Variants in GALNT18 observed in about 807,000 individuals in gnomAD.
GALNT18 encodes polypeptide N-acetylgalactosaminyltransferase 18.
Under a neutral mutation model 69.5 loss-of-function variants are expected in GALNT18, and 44 were observed. That is an observed-to-expected ratio of 0.63 (90% confidence interval 0.50 to 0.81). GALNT18 has a LOEUF of 0.81. Ranked by LOEUF, GALNT18 falls within the 40% of genes least tolerant of loss-of-function variation. GALNT18 has a pLI of 0.00. For synonymous variants in GALNT18, 364 were observed against 318.2 expected (o/e 1.14, Z -1.53); for missense variants, 715 against 810.0 (o/e 0.88, Z 1.42).
chr11:11,292,740 A>G (rs965298026), intron 10 of GALNT18, among the ~76,000 whole-genome samples: 1 of 152,098 alleles, frequency 6.6e-6, no homozygotes, highest in Non-Finnish European at 1.5e-5. Context: ...GTTTCCTTAT[A>G]TCTAAAAAGT....
intron 9 of GALNT18, among the ~76,000 whole-genome samples, chr11:11,307,022 A>C (rs1351673671): frequency 6.6e-6 from 1 of 152,226 alleles, no homozygotes; most frequent in African/African-American, 2.4e-5. Context: ...ATGGCCCAGA[A>C]GCCTCTCACT....
In GALNT18 at chr11:11,404,280, G is replaced by C. The variant is rs1290816647; in HGVS notation, c.596-25016C>G. Among the ~76,000 whole-genome samples, 1 of 152,222 alleles carries C rather than the reference G, an allele frequency of 6.6e-6. No individual in the cohort carries two copies. Among genetic ancestry groups the C allele is most frequent in the Non-Finnish European group, 1.5e-5 (1 of 68,034 alleles). On this transcript the variant is annotated intron_variant, in intron 3 of 10. Coordinates refer to ENST00000227756, the MANE Select transcript of GALNT18 (RefSeq NM_198516.3). This position sits in a 1 kb window ranked among gnomAD's most constrained non-coding sequence, Gnocchi z 4.5. ...TTCCCCAGGGGAGCCCTGGGCTTCAGTGCCAATGCCTCTGCCTCACCATCC... is the reference window on the plus strand; with the variant it reads ...TTCCCCAGGGGAGCCCTGGGCTTCACTGCCAATGCCTCTGCCTCACCATCC...
At chr11:11,458,645 C>A (rs1855973434) in intron 1 of GALNT18, among the ~76,000 whole-genome samples, 1 of 152,382 alleles carries the variant, frequency 6.6e-6, no homozygotes, top group East Asian at 1.9e-4. Context: ...TTCACCCGAG[C>A]ACTGCTAATG....
chr11:11,278,754 T>A (rs748586997), intron 10 of GALNT18, among the ~76,000 whole-genome samples: 1 of 151,990 alleles, frequency 6.6e-6, no homozygotes, highest in Non-Finnish European at 1.5e-5. Flanking sequence ...GGTACAAAAA[T>A]ACAGTTCGAT....
At chr11:11,460,212 C>G (rs1856010240) in intron 1 of GALNT18, among the ~76,000 whole-genome samples, 1 of 152,212 alleles carries the variant, frequency 6.6e-6, no homozygotes, top group Non-Finnish European at 1.5e-5. Flanking sequence ...AACATATTCA[C>G]AGGTTCCAGG....
At chr11:11,384,650 G>A (rs1854005961) in intron 3 of GALNT18, among the ~76,000 whole-genome samples, 2 of 152,184 alleles carry the variant, frequency 1.3e-5, no homozygotes, top group African/African-American at 4.8e-5. Flanking sequence ...TCCAGAGAGT[G>A]CTCTTTTCCT....
Position 11,316,978 on chromosome 11 carries a change from T to G in GALNT18, c.1512+10108A>C, listed in dbSNP as rs977860347. Reference sequence around the variant, plus strand: ...GTTGAATGAGCAAATGAATGAGTGATTGATTGAATAAAGACCTGGTGGGGA... The same window carrying G: ...GTTGAATGAGCAAATGAATGAGTGAGTGATTGAATAAAGACCTGGTGGGGA... On this transcript the variant is annotated intron_variant, in intron 9 of 10. Coordinates refer to ENST00000227756, the MANE Select transcript of GALNT18 (RefSeq NM_198516.3). Among the ~76,000 whole-genome samples the G allele has an allele frequency of 6.6e-5, 10 of 152,358 alleles. No homozygotes were observed. The East Asian group carries it at 1.7e-3, about 26-fold the overall frequency.
Position 11,352,795 on chromosome 11 carries a change from G to C in GALNT18, c.1093-11791C>G, listed in dbSNP as rs547583882. The C allele has an allele frequency of 3.5e-5, 57 of 1,614,146 alleles. No individual in the cohort carries two copies. In the African/African-American group the frequency reaches 7.1e-4, roughly 20 times the overall value. The stretch of plus-strand genomic sequence containing the variant: ...TTTACGTGTTCAAAAACCAAGGCGG[G>C]GGTTCGTGACACAGGGTCTTTTACA... On this transcript the variant is annotated intron_variant, in intron 6 of 10. Coordinates refer to ENST00000227756, the MANE Select transcript of GALNT18 (RefSeq NM_198516.3).
rs1429540013 is a variant in GALNT18, at chr11:11,444,694, G to C, written c.428+4050C>G. ...AGTAAGTGACTAGCTAGAGGTGAGA[G>C]AAAGGAGGGTGGGCAGGATTCTGAA... is the stretch of plus-strand genomic sequence containing the variant. On this transcript the variant is annotated intron_variant, in intron 2 of 10. Transcript: ENST00000227756. The surrounding 1 kb of genome is among the most constrained non-coding windows in gnomAD (Gnocchi z 4.4). 6.6e-6 allele frequency among the ~76,000 whole-genome samples: 1 copy of C among 152,188 alleles called. No homozygotes were observed. Among genetic ancestry groups the C allele is most frequent in the Admixed American group, 6.5e-5 (1 of 15,274 alleles).
intron 5 of GALNT18, among the ~76,000 whole-genome samples, chr11:11,374,330 C>A (rs954790700): frequency 2.0e-5 from 3 of 152,186 alleles, no homozygotes; most frequent in Non-Finnish European, 4.4e-5. Flanking sequence ...CTCACACGGA[C>A]TAAATTAAAG....
rs1854783833 is a variant in GALNT18 at position 11,413,670 on chromosome 11, G to A, written c.595+18951C>T. On this transcript the variant is annotated intron_variant, in intron 3 of 10. Coordinates refer to ENST00000227756, the MANE Select transcript of GALNT18 (RefSeq NM_198516.3). This position sits in a 1 kb window ranked among gnomAD's most constrained non-coding sequence, Gnocchi z 4.7. The stretch of plus-strand genomic sequence containing the variant: ...ACCCGGGGCCCCAGCATGGAGCAGA[G>A]GGAGTCTGGGAAGTTGACTACTCCA... Among the ~76,000 whole-genome samples, 1 of 152,178 alleles carries A rather than the reference G, an allele frequency of 6.6e-6. No homozygotes were observed.
chr11:11,372,545 G>A lies in GALNT18; in HGVS notation c.1062C>T (p.Tyr354=), dbSNP rs756537562. 1.3e-5 allele frequency: 21 copies of A among 1,614,006 alleles called. No homozygotes were observed. The highest frequency in any genetic ancestry group is 2.7e-5 in the African/African-American group (2 of 74,920). ...IGLLDEGMEV[Y]GGENVELGIR... Reference sequence around the variant, plus strand: ...TCCCAAGCTCCACATTCTCGCCCCCGTAGACTTCCATGCCTTCGTCCAGCA... The same window carrying A: ...TCCCAAGCTCCACATTCTCGCCCCCATAGACTTCCATGCCTTCGTCCAGCA... Residue 354 remains tyrosine, a synonymous_variant, in exon 6 of 11, where the codon TAC becomes TAT. Transcript: ENST00000227756. This position sits in a 1 kb window ranked among gnomAD's most constrained non-coding sequence, Gnocchi z 4.9.
chr11:11,387,654 A>T lies in GALNT18; in HGVS notation c.596-8390T>A, dbSNP rs368638254. The stretch of plus-strand genomic sequence containing the variant: ...TATGTCAACACATTTTAAAGGAGAG[A>T]TTATTTATGAGGATGCAATGGTTGT... On this transcript the variant is annotated intron_variant, in intron 3 of 10. Transcript: ENST00000227756. The surrounding 1 kb of genome is among the most constrained non-coding windows in gnomAD (Gnocchi z 4.6). Among the ~76,000 whole-genome samples the T allele has an allele frequency of 4.7e-4, 71 of 152,344 alleles. 1 individual carries two copies. The South Asian group carries it at 0.015, about 32-fold the overall frequency.
At chr11:11,471,888 T>C (rs551835302) in intron 1 of GALNT18, among the ~76,000 whole-genome samples, 48 of 152,314 alleles carry the variant, frequency 3.2e-4, no homozygotes, top group Non-Finnish European at 5.3e-4. Context: ...CTTTGCAGCC[T>C]GGCCCTCCCC....
At chr11:11,578,344 A>AAAAAAAAAAAAC (rs1446256060) in intron 1 of GALNT18, among the ~76,000 whole-genome samples, 13 of 151,684 alleles carry the variant, frequency 8.6e-5, no homozygotes, top group African/African-American at 3.1e-4. Context: ...AAAAAAAAAA[A>AAAAAAAAAAAAC]AAAACTCAAT....
chr11:11,553,567 G>C (rs1466616602), intron 1 of GALNT18, among the ~76,000 whole-genome samples: 4 of 152,206 alleles, frequency 2.6e-5, no homozygotes, highest in Admixed American at 2.6e-4. Context: ...GAGAGGAGGG[G>C]TAGTCAGGGG....
chr11:11,384,887 G>A (rs80151527), intron 3 of GALNT18, among the ~76,000 whole-genome samples: 135 of 152,360 alleles, frequency 8.9e-4, no homozygotes, highest in Non-Finnish European at 1.5e-3. Context: ...TTTAAAAGGC[G>A]TGTGGTAGAA....
chr11:11,349,586 G>A (rs1026704508), intron 6 of GALNT18, among the ~76,000 whole-genome samples: 5 of 152,010 alleles, frequency 3.3e-5, no homozygotes, highest in Non-Finnish European at 7.4e-5. Context: ...CCACAATACC[G>A]AACTCTGAGA....
chr11:11,344,633 T>C (rs1396950408), intron 6 of GALNT18, among the ~76,000 whole-genome samples: 1 of 152,234 alleles, frequency 6.6e-6, no homozygotes, highest in Non-Finnish European at 1.5e-5. Context: ...ACATTTGTCC[T>C]CTGTCACCTG....
Sources: allele counts gnomAD v4.1 joint callset (sites outside exome capture counted in the v4.1 genomes callset), GRCh38; gene constraint gnomAD v4.1.1; non-coding constraint Gnocchi (gnomAD v3.1); transcripts MANE v1.5; gene names NCBI Gene and HGNC (gene_info 2026-07-23, HGNC 2026-07-21).